Variants in MPP4 observed in about 807,000 individuals in gnomAD.
MPP4 encodes the protein MAGUK p55 scaffold protein 4.
In MPP4, 91 loss-of-function variants were observed where a neutral mutation model predicts 98.3. The observed-to-expected ratio is 0.93, with a 90% CI of 0.78 to 1.10. The LOEUF (loss-of-function observed/expected upper bound fraction) is 1.10, where lower values mean the gene tolerates loss of function less well. Among genes scored for constraint, MPP4 ranks in the 50% least tolerant of loss-of-function variants. The pLI is 0.00. For synonymous variants in MPP4, 261 were observed against 271.8 expected (o/e 0.96, Z 0.39); for missense variants, 744 against 792.9 (o/e 0.94, Z 0.74).
chr2:201,678,645 G>A (rs1002976852), intron 10 of MPP4, among the ~76,000 whole-genome samples: 3 of 152,104 alleles, frequency 2.0e-5, no homozygotes, highest in Non-Finnish European at 4.4e-5. Flanking sequence ...TTCACTGAAC[G>A]TGGGTGTGTG....
Position 201,669,719 on chromosome 2 carries a change from A to G in MPP4, c.1012+14T>C. The G allele has an allele frequency of 7.0e-7, 1 of 1,426,868 alleles. No homozygotes were observed. Among genetic ancestry groups the G allele is most frequent in the Non-Finnish European group, 9.3e-7 (1 of 1,078,280 alleles). 88.4% of individuals were successfully genotyped at this position (1,426,868 alleles called of 1,614,324 possible). On this transcript the variant is annotated intron_variant, in intron 12 of 21. Coordinates refer to ENST00000409474, the MANE Select transcript of MPP4 (RefSeq NM_033066.3). ...TTTGGAGATAAGAGTTTTTTCCTAA[A>G]TACTATTTCTTACCTTCTTCCATAG...
intron 10 of MPP4, among the ~76,000 whole-genome samples, chr2:201,679,506 C>T (rs1688610079): frequency 6.6e-6 from 1 of 152,150 alleles, no homozygotes; most frequent in Non-Finnish European, 1.5e-5. Flanking sequence ...TCCACAAGTG[C>T]CTGCCATATG....
intron 1 of MPP4, chr2:201,697,814 C>G (rs1689235908): frequency 3.9e-6 from 2 of 510,896 alleles, no homozygotes; most frequent in Non-Finnish European, 5.0e-6. Context: ...GATAAGGAAT[C>G]TGACATTCAA....
In MPP4 at chr2:201,682,816, A is replaced by G; in HGVS notation, c.660+15T>C. ...TTCTCCAAGTCATTAACAAAAAGGC[A>G]AAAAGAAGATTTACCAGAATATGGA... is the stretch of plus-strand genomic sequence containing the variant. On this transcript the variant is annotated intron_variant, in intron 8 of 21. Transcript: ENST00000409474. The G allele has an allele frequency of 1.2e-6, 2 of 1,612,814 alleles. No homozygotes were observed. The highest frequency in any genetic ancestry group is 1.7e-6 in the Non-Finnish European group (2 of 1,178,872).
chr2:201,677,111 C>T (rs989357865), intron 10 of MPP4, among the ~76,000 whole-genome samples: 2 of 152,116 alleles, frequency 1.3e-5, no homozygotes, highest in African/African-American at 4.8e-5. Context: ...TCCTTGGTTA[C>T]TCCATGGTTA....
Position 201,681,624 on chromosome 2 carries a change from G to T in MPP4, c.661-57C>A, listed in dbSNP as rs528832051. On this transcript the variant is annotated intron_variant, in intron 8 of 21. Coordinates refer to ENST00000409474, the MANE Select transcript of MPP4 (RefSeq NM_033066.3). ...TCATGGAGCTAGCAGGGTTACTGGGGCTCGGTGGACAGAGTTACAGTGCAA... is the reference window on the plus strand; with the variant it reads ...TCATGGAGCTAGCAGGGTTACTGGGTCTCGGTGGACAGAGTTACAGTGCAA... 2.3e-4 allele frequency: 308 copies of T among 1,360,690 alleles called. 2 individuals carry two copies. The South Asian group carries it at 3.5e-3, about 15-fold the overall frequency. 84.3% of individuals were successfully genotyped at this position (1,360,690 alleles called of 1,614,324 possible).
chr2:201,683,343 T>C (rs948070405), intron 7 of MPP4, among the ~76,000 whole-genome samples: 1 of 151,664 alleles, frequency 6.6e-6, no homozygotes. Flanking sequence ...AACAGTGGAG[T>C]TGTCAGATAG....
Position 201,645,345 on chromosome 2 carries a change from T to G in MPP4, c.1779A>C (p.Gln593His). The change falls in exon 22 of 22, where the codon CAA becomes CAC. Residue 593 changes from glutamine (Q) to histidine (H), a missense_variant. Gln to His is a conservative substitution (Grantham distance 24). Transcript: ENST00000409474. ...LAQRMETQFGQFFDHVIVNDS... is the reference protein window; with the variant it reads ...LAQRMETQFGHFFDHVIVNDS... ...CATTCACAATCACATGATCAAAAAA[T>G]TGGCCAAACTGAGTTTCCATTCTTT... The G allele has an allele frequency of 6.2e-7, 1 of 1,613,988 alleles. No homozygotes were observed. Among genetic ancestry groups the G allele is most frequent in the Non-Finnish European group, 8.5e-7 (1 of 1,179,874 alleles).
intron 4 of MPP4, among the ~76,000 whole-genome samples, chr2:201,689,958 T>C (rs973451104): frequency 2.0e-5 from 3 of 152,020 alleles, no homozygotes; most frequent in Non-Finnish European, 4.4e-5. Context: ...GTACGAGACT[T>C]AGGAAAAAAG....
intron 7 of MPP4, among the ~76,000 whole-genome samples, chr2:201,683,608 T>G (rs1688727234): frequency 6.6e-6 from 1 of 151,848 alleles, no homozygotes; most frequent in South Asian, 2.1e-4. Flanking sequence ...AAAAATTAGC[T>G]GGGGGTGGAG....
At position 201,661,265 on chromosome 2, in the gene MPP4, A is replaced by G. The variant is rs369269101; in HGVS notation, c.1073-919T>C. Among the ~76,000 whole-genome samples the G allele has an allele frequency of 5.2e-4, 79 of 151,600 alleles. No homozygotes were observed. The Middle Eastern group carries it at 0.01, about 20-fold the overall frequency. ...CGCTTCTGATTAAATAAACCATACA[A>G]TCACCTCGTCACCTCCTGGGGAAAT... On this transcript the variant is annotated intron_variant, in intron 14 of 21. Transcript: ENST00000409474.
chr2:201,686,862 T>C (rs1432663041), intron 5 of MPP4, among the ~76,000 whole-genome samples: 1 of 152,266 alleles, frequency 6.6e-6, no homozygotes, highest in East Asian at 1.9e-4. Flanking sequence ...TGCAATCAAA[T>C]GTTCTTCATA....
chr2:201,687,287 T>C lies in MPP4; in HGVS notation c.360+4A>G. The C allele has an allele frequency of 6.4e-7, 1 of 1,570,236 alleles. No individual in the cohort carries two copies. The highest frequency in any genetic ancestry group is 8.7e-7 in the Non-Finnish European group (1 of 1,155,780). ...ACATCTTTTCTATTTTAGCAGGCAC[T>C]TGCCTTGAAGTGTGGAGCCTGGAGC... On this transcript the variant is annotated splice_donor_region_variant and intron_variant, in intron 5 of 21. Transcript: ENST00000409474.
chr2:201,669,865 A>G, intron 11 of MPP4, 115 bp from the exon 12 acceptor site: 1 of 771,990 alleles, frequency 1.3e-6, no homozygotes, highest in Non-Finnish European at 1.8e-6. Flanking sequence ...TATTGTAATT[A>G]GTATTCTGGG....
intron 6 of MPP4, among the ~76,000 whole-genome samples, chr2:201,685,618 T>A (rs1688807103): frequency 6.6e-6 from 1 of 152,230 alleles, no homozygotes; most frequent in Admixed American, 6.5e-5. Flanking sequence ...AATACATGCA[T>A]AGGTCAGAAA....
In MPP4 at chr2:201,652,153, T is replaced by C. The variant is rs887621862; in HGVS notation, c.1382-1988A>G. The C allele has an allele frequency of 1.4e-5, 4 of 281,484 alleles. 1 individual carries two copies. Among genetic ancestry groups the C allele is most frequent in the Admixed American group, 1.3e-4 (2 of 15,410 alleles). 17.4% of individuals were successfully genotyped at this position (281,484 alleles called of 1,614,324 possible). On this transcript the variant is annotated intron_variant, in intron 18 of 21. Transcript: ENST00000409474. ...GTGAGGCAAGATCTTCCCCAGCCCC[T>C]GCACAAAATTCTAGCAGTTTCCTGG...
At chr2:201,692,335 G>C (rs954324040) in intron 3 of MPP4, among the ~76,000 whole-genome samples, 1 of 152,170 alleles carries the variant, frequency 6.6e-6, no homozygotes, top group Non-Finnish European at 1.5e-5. Context: ...CCTGAGGTCA[G>C]GAGTTTGAGA....
rs559504158 is a variant in MPP4 at position 201,682,407 on chromosome 2, C to T, written c.660+424G>A. On this transcript the variant is annotated intron_variant, in intron 8 of 21. Transcript: ENST00000409474. Reference sequence around the variant, plus strand: ...GGTCTATCCACTATAAGAAAGGCTGCCCTCCAGGAAGATGTTGAACATTTC... The same window carrying T: ...GGTCTATCCACTATAAGAAAGGCTGTCCTCCAGGAAGATGTTGAACATTTC... Among the ~76,000 whole-genome samples the T allele has an allele frequency of 1.4e-3, 213 of 152,298 alleles. 1 individual carries two copies. Among genetic ancestry groups the T allele is most frequent in the African/African-American group, 3.5e-3 (145 of 41,564 alleles).
intron 3 of MPP4, 36 bp downstream of exon 3, chr2:201,692,872 C>T: frequency 1.9e-6 from 3 of 1,597,320 alleles, no homozygotes. Context: ...ACAACCCCTT[C>T]AGCAAGCAAA....
Sources: gnomAD v4.1 joint callset for allele counts (sites outside exome capture counted in the v4.1 genomes callset) on GRCh38, gnomAD v4.1.1 for gene constraint, MANE v1.5 for transcripts, NCBI Gene and HGNC (gene_info 2026-07-23, HGNC 2026-07-21) for gene names.